Variants in ZNF407 observed in about 807,000 individuals in gnomAD.
ZNF407 encodes zinc finger protein 407.
A neutral mutation model predicts 131.2 loss-of-function variants in ZNF407; 17 were observed. The observed-to-expected ratio is 0.13, with a 90% confidence interval of 0.09 to 0.19. The LOEUF (loss-of-function observed/expected upper bound fraction) is 0.19. Ranked by LOEUF, ZNF407 falls within the 10% of genes least tolerant of loss-of-function variation. The pLI is 1.00. For missense variants in ZNF407, 2,681 were observed against 2,830.6 expected, an observed-to-expected ratio of 0.95 and a Z score of 1.20; for synonymous variants, 1,156 against 1,062.0, an observed-to-expected ratio of 1.09 and a Z score of -1.72.
At chr18:74,890,768 G>C (rs1358530828) in intron 7 of ZNF407, among the ~76,000 whole-genome samples, 2 of 152,188 alleles carry the variant, frequency 1.3e-5, no homozygotes, top group East Asian at 3.8e-4. Flanking sequence ...GAGAGGCCAG[G>C]GGAGTACATA....
intron 3 of ZNF407, among the ~76,000 whole-genome samples, chr18:74,717,052 AAT>A (rs1304782939): frequency 6.6e-6 from 1 of 152,168 alleles, no homozygotes; most frequent in Non-Finnish European, 1.5e-5. Context: ...AAAAACAAAA[AAT>A]ATATATACGT....
intron 3 of ZNF407, among the ~76,000 whole-genome samples, chr18:74,720,927 C>CTG (rs1555680429): frequency 2.8e-5 from 4 of 143,626 alleles, no homozygotes; most frequent in Non-Finnish European, 4.6e-5. Flanking sequence ...ATACCTTCAG[C>CTG]TTTTTTTTTT....
intron 3 of ZNF407, among the ~76,000 whole-genome samples, chr18:74,731,735 AGGAG>A (rs1968298584): frequency 6.6e-6 from 1 of 152,130 alleles, no homozygotes; most frequent in Non-Finnish European, 1.5e-5. Flanking sequence ...AGAGTCATAG[AGGAG>A]TGAGTGTCAA....
chr18:74,743,684 G>A (rs1007914275), intron 3 of ZNF407, among the ~76,000 whole-genome samples: 1 of 151,892 alleles, frequency 6.6e-6, no homozygotes, highest in Non-Finnish European at 1.5e-5. Flanking sequence ...AAAATGTTGT[G>A]AAAGAAACTT....
intron 3 of ZNF407, among the ~76,000 whole-genome samples, chr18:74,742,622 C>T (rs7237426): frequency 0.94 from 143,587 of 152,244 alleles, 68,255 homozygotes; most frequent in East Asian, 1. Flanking sequence ...TAGATTACAT[C>T]ATTTTAGGAA....
At chr18:75,046,833 C>T (rs981290401) in intron 8 of ZNF407, among the ~76,000 whole-genome samples, 3 of 151,806 alleles carry the variant, frequency 2.0e-5, no homozygotes, top group African/African-American at 7.3e-5. Flanking sequence ...GCCCAAAAGT[C>T]TCTTGTCAGA....
At chr18:74,898,615 A>C (rs1202375833) in intron 7 of ZNF407, among the ~76,000 whole-genome samples, 1 of 152,208 alleles carries the variant, frequency 6.6e-6, no homozygotes, top group African/African-American at 2.4e-5. Flanking sequence ...TATGGCCTGA[A>C]TCTTTGTAAA....
chr18:74,763,093 T>C (rs971752978), intron 3 of ZNF407, among the ~76,000 whole-genome samples: 1 of 151,960 alleles, frequency 6.6e-6, no homozygotes, highest in Non-Finnish European at 1.5e-5. Flanking sequence ...AAGCTTGCAA[T>C]TGTTAGTCTG....
intron 4 of ZNF407, among the ~76,000 whole-genome samples, chr18:74,845,485 TGAA>T (rs1434049361): frequency 1.3e-5 from 2 of 151,994 alleles, no homozygotes; most frequent in East Asian, 1.9e-4. Flanking sequence ...CCATTAGAAA[TGAA>T]GAATACTTTT....
At position 74,632,381 on chromosome 18, in the gene ZNF407, T is replaced by G. The variant is rs772946096; in HGVS notation, c.1362T>G (p.Ser454Arg). 1.5e-5 allele frequency: 25 copies of G among 1,613,764 alleles called. No individual in the cohort carries two copies. The African/African-American group carries it at 2.0e-4, about 13-fold the overall frequency. ...TTTTAGGAATTAAAAGAGGTACAAG[T>G]GAAACTCAGAGGATGTATATGAAAC... ...FNLLGIKRGTSETQRMYMKHL... is the reference protein window; with the variant it reads ...FNLLGIKRGTRETQRMYMKHL... The change falls in exon 2 of 9, where the codon AGT (serine) becomes AGG (arginine). Residue 454 changes from serine (S) to arginine (R), a missense_variant. By Grantham distance (110) the Ser-to-Arg change is moderately radical. This residue lies in a region of ZNF407 where 1,789 missense variants were observed against 1,748.7 expected (regional missense o/e 1.02). Coordinates refer to ENST00000299687, the MANE Select transcript of ZNF407 (RefSeq NM_017757.3).
intron 1 of ZNF407, among the ~76,000 whole-genome samples, chr18:74,617,594 A>G (rs1409918520): frequency 1.3e-5 from 2 of 151,662 alleles, no homozygotes. Context: ...TGTATTGTCC[A>G]CTGTTTCCTC....
At chr18:74,812,500 T>C (rs1221757805) in intron 4 of ZNF407, among the ~76,000 whole-genome samples, 3 of 152,176 alleles carry the variant, frequency 2.0e-5, no homozygotes, top group Admixed American at 2.0e-4. Flanking sequence ...TTCCACCACT[T>C]CTGCTTTTAT....
intron 8 of ZNF407, among the ~76,000 whole-genome samples, chr18:75,005,155 G>A (rs528068545): frequency 3.0e-4 from 45 of 152,294 alleles, no homozygotes; most frequent in African/African-American, 1.1e-3. Flanking sequence ...ACTGCTTGAT[G>A]GATGGAGCTG....
chr18:74,649,380 G>A (rs1160441990), intron 3 of ZNF407, among the ~76,000 whole-genome samples: 1 of 152,244 alleles, frequency 6.6e-6, no homozygotes, highest in Admixed American at 6.5e-5. Flanking sequence ...AAGTGAAATA[G>A]GTGAAAGTGG....
chr18:74,983,618 G>A (rs1227620326), intron 8 of ZNF407, among the ~76,000 whole-genome samples: 2 of 152,132 alleles, frequency 1.3e-5, no homozygotes, highest in East Asian at 3.9e-4. Flanking sequence ...TATTTGCCAG[G>A]CCCAAAGCTA....
intron 4 of ZNF407, among the ~76,000 whole-genome samples, chr18:74,851,648 C>T (rs1344672633): frequency 1.3e-5 from 2 of 152,082 alleles, no homozygotes; most frequent in Admixed American, 6.5e-5. Flanking sequence ...CTACTGAACA[C>T]AAATATTGTT....
At chr18:74,962,386 A>C (rs976284711) in intron 8 of ZNF407, among the ~76,000 whole-genome samples, 1 of 152,248 alleles carries the variant, frequency 6.6e-6, no homozygotes, top group Admixed American at 6.5e-5. Flanking sequence ...CATCTTAAAC[A>C]TCTGTCAGAT....
chr18:74,885,738 A>G (rs542732623), intron 6 of ZNF407, among the ~76,000 whole-genome samples: 3 of 152,316 alleles, frequency 2.0e-5, no homozygotes, highest in South Asian at 2.1e-4. Context: ...TCAACATTCT[A>G]TGTTGGAGCA....
At chr18:74,964,038 A>G (rs1177565111) in intron 8 of ZNF407, among the ~76,000 whole-genome samples, 2 of 152,242 alleles carry the variant, frequency 1.3e-5, no homozygotes. Flanking sequence ...TTTTCCAGCC[A>G]TGGTCAAACT....
Sources: gnomAD v4.1 joint callset for allele counts (sites outside exome capture counted in the v4.1 genomes callset) on GRCh38, gnomAD v4.1.1 for gene constraint, gnomAD v4.1.1 regional missense constraint, MANE v1.5 for transcripts, NCBI Gene and HGNC (gene_info 2026-07-23, HGNC 2026-07-21) for gene names.